ATXN7L1: variants seen among roughly 807,000 people sequenced by gnomAD.
The protein encoded by ATXN7L1 is ataxin 7 like 1.
ATXN7L1 carries 15 observed loss-of-function variants against 70.8 expected under a neutral mutation model. The ratio of observed to expected loss-of-function variants is 0.21; its 90% CI spans 0.14 to 0.33. The LOEUF (loss-of-function observed/expected upper bound fraction) is 0.33. Ranked by LOEUF, ATXN7L1 falls within the 10% of genes least tolerant of loss-of-function variation. ATXN7L1 has a pLI of 1.00. For missense variants in ATXN7L1, 975 were observed against 1,097.1 expected, an observed-to-expected ratio of 0.89 and a Z score of 1.57; for synonymous variants, 440 against 445.1, an observed-to-expected ratio of 0.99 and a Z score of 0.14.
intron 2 of ATXN7L1, among the ~76,000 whole-genome samples, chr7:105,815,922 T>C (rs1308435850): frequency 6.6e-6 from 1 of 152,172 alleles, no homozygotes; most frequent in Non-Finnish European, 1.5e-5. Flanking sequence ...GGGCATCTCA[T>C]AGACAAAGCG....
At chr7:105,639,703 T>G (rs751518609) in intron 5 of ATXN7L1, 134 bp from the exon 6 acceptor site, 23 of 688,662 alleles carry the variant, frequency 3.3e-5, no homozygotes, top group Non-Finnish European at 5.3e-5. Flanking sequence ...TTTTTTGTTT[T>G]TTTGTGTTTT....
At chr7:105,664,275 C>T (rs986097820) in intron 4 of ATXN7L1, among the ~76,000 whole-genome samples, 1 of 151,864 alleles carries the variant, frequency 6.6e-6, no homozygotes, top group African/African-American at 2.4e-5. Context: ...TGATTTTACA[C>T]CAGAGCTTCT....
At chr7:105,809,331 T>C (rs1808075686) in intron 2 of ATXN7L1, among the ~76,000 whole-genome samples, 1 of 152,222 alleles carries the variant, frequency 6.6e-6, no homozygotes, top group Admixed American at 6.5e-5. Flanking sequence ...ACAGTATTGT[T>C]AACCATAAGC....
At chr7:105,719,581 G>C (rs1378328383) in intron 3 of ATXN7L1, among the ~76,000 whole-genome samples, 2 of 152,080 alleles carry the variant, frequency 1.3e-5, no homozygotes, top group African/African-American at 4.8e-5. Context: ...CCTCCTAACT[G>C]CAGCAGGAGC....
chr7:105,834,792 A>G (rs1563130686), intron 2 of ATXN7L1, among the ~76,000 whole-genome samples: 2 of 152,144 alleles, frequency 1.3e-5, no homozygotes, highest in African/African-American at 4.8e-5. Flanking sequence ...ATCCTGCCAC[A>G]CTGCTGAGAA....
chr7:105,620,052 G>A, intron 9 of ATXN7L1, 148 bp downstream of exon 9: 1 of 1,002,456 alleles, frequency 1.0e-6, no homozygotes, highest in Non-Finnish European at 1.4e-6. Flanking sequence ...ATTAAGAAGA[G>A]CTGGTATTTA....
chr7:105,858,195 C>G (rs932800989), intron 2 of ATXN7L1, among the ~76,000 whole-genome samples: 2 of 152,104 alleles, frequency 1.3e-5, no homozygotes, highest in Non-Finnish European at 1.5e-5. Flanking sequence ...CATGCCACTG[C>G]ACTTCAGCCT....
chr7:105,699,310 T>G, intron 3 of ATXN7L1, among the ~76,000 whole-genome samples: 1 of 152,176 alleles, frequency 6.6e-6, no homozygotes, highest in East Asian at 1.9e-4. Context: ...TTTTGTATTT[T>G]TAGTAGAGGC....
chr7:105,726,640 T>C (rs149915006), intron 3 of ATXN7L1, among the ~76,000 whole-genome samples: 1 of 152,300 alleles, frequency 6.6e-6, no homozygotes, highest in Non-Finnish European at 1.5e-5. Flanking sequence ...GTGTCCAGTA[T>C]GGCAAAGGGC....
chr7:105,777,684 C>T (rs761803660), intron 3 of ATXN7L1, among the ~76,000 whole-genome samples: 7 of 152,326 alleles, frequency 4.6e-5, no homozygotes, highest in Non-Finnish European at 8.8e-5. Context: ...GATCTGTTAC[C>T]GCTAGCTATG....
intron 3 of ATXN7L1, among the ~76,000 whole-genome samples, chr7:105,723,028 T>C (rs1286666397): frequency 2.0e-5 from 3 of 152,172 alleles, no homozygotes; most frequent in Non-Finnish European, 1.5e-5. Flanking sequence ...CTGGGCAACA[T>C]AGCAAGACCC....
At chr7:105,690,494 A>G (rs550098098) in intron 3 of ATXN7L1, among the ~76,000 whole-genome samples, 4 of 152,162 alleles carry the variant, frequency 2.6e-5, no homozygotes, top group Admixed American at 2.6e-4. Flanking sequence ...TCTGTGTGGG[A>G]CTCAAGGTCT....
At chr7:105,841,682 G>A (rs185342271) in intron 2 of ATXN7L1, among the ~76,000 whole-genome samples, 28 of 152,044 alleles carry the variant, frequency 1.8e-4, no homozygotes, top group African/African-American at 6.3e-4. Context: ...GCCCCAAAGC[G>A]CAAGAATAGT....
intron 2 of ATXN7L1, chr7:105,819,445 TAAAA>T (rs369266871): frequency 6.3e-4 from 351 of 555,490 alleles, no homozygotes; most frequent in Middle Eastern, 1.3e-3. Context: ...ATTTGGGATT[TAAAA>T]AAAAAAAAAA....
chr7:105,699,390 C>G (rs1227502219), intron 3 of ATXN7L1, among the ~76,000 whole-genome samples: 1 of 152,166 alleles, frequency 6.6e-6, no homozygotes, highest in African/African-American at 2.4e-5. Flanking sequence ...CCTCAGCCTC[C>G]CAAAGTGCTG....
At chr7:105,609,824 T>A (rs968914995) in intron 11 of ATXN7L1, among the ~76,000 whole-genome samples, 4 of 151,710 alleles carry the variant, frequency 2.6e-5, no homozygotes, top group Non-Finnish European at 5.9e-5. Flanking sequence ...CAGGCTGGAG[T>A]GCAGTGGTGC....
chr7:105,840,565 C>T (rs1281500391), intron 2 of ATXN7L1, among the ~76,000 whole-genome samples: 2 of 152,186 alleles, frequency 1.3e-5, no homozygotes, highest in African/African-American at 2.4e-5. Flanking sequence ...CTGAGCAACA[C>T]CCCGGCTCCC....
intron 3 of ATXN7L1, among the ~76,000 whole-genome samples, chr7:105,669,043 G>T (rs1404454324): frequency 1.3e-5 from 2 of 152,050 alleles, no homozygotes; most frequent in African/African-American, 4.8e-5. Flanking sequence ...ACCACATCTG[G>T]CCCACAAAAC....
intron 3 of ATXN7L1, among the ~76,000 whole-genome samples, chr7:105,681,913 C>T (rs551948364): frequency 1.2e-4 from 19 of 152,096 alleles, no homozygotes; most frequent in South Asian, 2.1e-4. Flanking sequence ...TATAGAGTTT[C>T]GGTTTTGCAA....
Sources: gnomAD v4.1 joint callset for allele counts (sites outside exome capture counted in the v4.1 genomes callset) on GRCh38, gnomAD v4.1.1 for gene constraint, MANE v1.5 for transcripts, NCBI Gene and HGNC (gene_info 2026-07-23, HGNC 2026-07-21) for gene names.